The following CUL7 variants were observed in gnomAD, a reference collection of about 807,000 sequenced individuals.
The protein encoded by CUL7 is cullin-7.
A neutral mutation model predicts 177.7 loss-of-function variants in CUL7; 96 were observed. The ratio of observed to expected loss-of-function variants is 0.54; its 90% CI spans 0.46 to 0.64. CUL7 has a LOEUF of 0.64. CUL7 is among the 30% of genes least tolerant of loss of function. The probability of loss-of-function intolerance (pLI) is 0.00; values close to 1 mark genes in which losing one functional copy is unlikely to be tolerated. For missense variants in CUL7, 1,893 were observed against 2,187.9 expected (o/e 0.87, Z 2.69); for synonymous variants, 824 against 890.2 (o/e 0.93, Z 1.32).
At chr6:43,044,936 A>C in intron 15 of CUL7, 51 bp from the exon 16 acceptor site, 1 of 1,600,404 alleles carries the variant, frequency 6.2e-7, no homozygotes, top group African/African-American at 1.3e-5. Flanking sequence ...AGCATATGTT[A>C]TCTCAGTGTC....
rs1763359490 is a variant in CUL7 at position 43,040,909 on chromosome 6, A to G, written c.3806+6T>C. 1.2e-6 allele frequency: 2 copies of G among 1,612,796 alleles called. No homozygotes were observed. The highest frequency in any genetic ancestry group is 2.2e-5 in the East Asian group (1 of 44,888). Reference sequence around the variant, plus strand: ...GCCAGCTCCCGCTCCTTAGGTCCACACTCACTGGTAATAATGCTCAAAAGT... The same window carrying G: ...GCCAGCTCCCGCTCCTTAGGTCCACGCTCACTGGTAATAATGCTCAAAAGT... On this transcript the variant is annotated splice_donor_region_variant and intron_variant, in intron 20 of 25. Coordinates refer to ENST00000265348, the MANE Select transcript of CUL7 (RefSeq NM_014780.5). The surrounding 1 kb of genome is among the most constrained non-coding windows in gnomAD (Gnocchi z 4.2).
chr6:43,050,879 G>A lies in CUL7; in HGVS notation c.1233+89C>T. ...TTACCTAAAGCTTTCTCTTTGGGTGGCCTGCTGGAGCCCCCCCATATAGAA... is the reference window on the plus strand; with the variant it reads ...TTACCTAAAGCTTTCTCTTTGGGTGACCTGCTGGAGCCCCCCCATATAGAA... On this transcript the variant is annotated intron_variant, in intron 4 of 25. Coordinates refer to ENST00000265348, the MANE Select transcript of CUL7 (RefSeq NM_014780.5). The surrounding 1 kb of genome is among the most constrained non-coding windows in gnomAD (Gnocchi z 4.1). The A allele has an allele frequency of 6.7e-7, 1 of 1,499,428 alleles. No individual in the cohort carries two copies. Among genetic ancestry groups the A allele is most frequent in the South Asian group, 1.1e-5 (1 of 87,636 alleles). 92.9% of individuals were successfully genotyped at this position (1,499,428 alleles called of 1,614,324 possible).
At position 43,040,842 on chromosome 6, in the gene CUL7, C is replaced by T; in HGVS notation, c.3806+73G>A. 1 of 1,602,916 alleles carries T rather than the reference C, an allele frequency of 6.2e-7. No homozygotes were observed. Among genetic ancestry groups the T allele is most frequent in the South Asian group, 1.1e-5 (1 of 90,502 alleles). On this transcript the variant is annotated intron_variant, in intron 20 of 25. Coordinates refer to ENST00000265348, the MANE Select transcript of CUL7 (RefSeq NM_014780.5). This position sits in a 1 kb window ranked among gnomAD's most constrained non-coding sequence, Gnocchi z 4.2. ...TCCAGCCTGCCTCTATCCCAGACTT[C>T]CAGGCCCATGAGCTGGCTCTGCCAC...
chr6:43,042,093 AGGAG>A (rs924972805), intron 19 of CUL7, among the ~76,000 whole-genome samples: 6 of 142,046 alleles, frequency 4.2e-5, no homozygotes, highest in Admixed American at 1.4e-4. Context: ...GAGGGAGAGA[AGGAG>A]GGAGGGAAGG....
chr6:43,050,824 C>G lies in CUL7; in HGVS notation c.1233+144G>C. On this transcript the variant is annotated intron_variant, in intron 4 of 25. Transcript: ENST00000265348. This position sits in a 1 kb window ranked among gnomAD's most constrained non-coding sequence, Gnocchi z 4.1. Reference sequence around the variant, plus strand: ...CCAGCTCTCAGAATGGCCCCCCTCTCAACTACTGACTCTTTTCACCATTCC... The same window carrying G: ...CCAGCTCTCAGAATGGCCCCCCTCTGAACTACTGACTCTTTTCACCATTCC... 2 of 1,094,138 alleles carry G rather than the reference C, an allele frequency of 1.8e-6. No homozygotes were observed. The highest frequency in any genetic ancestry group is 1.6e-5 in the African/African-American group (1 of 63,620). 67.8% of individuals were successfully genotyped at this position (1,094,138 alleles called of 1,614,324 possible).
At position 43,045,795 on chromosome 6, in the gene CUL7, C is replaced by G. The variant is rs1160001966; in HGVS notation, c.2767-113G>C. 2 of 1,277,416 alleles carry G rather than the reference C, an allele frequency of 1.6e-6. No individual in the cohort carries two copies. Among genetic ancestry groups the G allele is most frequent in the East Asian group, 4.9e-5 (2 of 41,130 alleles). 79.1% of individuals were successfully genotyped at this position (1,277,416 alleles called of 1,614,324 possible). Reference sequence around the variant, plus strand: ...TCCCCAGCCCTGGGATGTGTAGGGTCCTGACAAAGCTGTCCTCATGCCACC... The same window carrying G: ...TCCCCAGCCCTGGGATGTGTAGGGTGCTGACAAAGCTGTCCTCATGCCACC... On this transcript the variant is annotated intron_variant, in intron 13 of 25. Coordinates refer to ENST00000265348, the MANE Select transcript of CUL7 (RefSeq NM_014780.5). This position sits in a 1 kb window ranked among gnomAD's most constrained non-coding sequence, Gnocchi z 4.8.
chr6:43,038,427 C>T lies in CUL7; in HGVS notation c.4613G>A (p.Trp1538Ter), dbSNP rs1763135873. The part of the protein sequence containing the change: ...RDGSKEPRSR[W>*]DIVRLIPPQT... ...AGGTGGGATGAGCCGCACAATGTCC[C>T]ATCTCGACCTGGGTTCCTTGCTGCC... The change falls in exon 25 of 26, where the codon TGG becomes TAG. Residue 1538 changes from tryptophan (W) to a stop codon, truncating the protein, a stop_gained. Coordinates refer to ENST00000265348, the MANE Select transcript of CUL7 (RefSeq NM_014780.5). LOFTEE classifies it high-confidence loss of function. 2 of 1,614,086 alleles carry T rather than the reference C, an allele frequency of 1.2e-6. No homozygotes were observed. The highest frequency in any genetic ancestry group is 2.7e-5 in the African/African-American group (2 of 74,930).
At chr6:43,048,305 A>G (rs764898026) in intron 8 of CUL7, 27 bp downstream of exon 8, 1 of 1,595,660 alleles carries the variant, frequency 6.3e-7, no homozygotes, top group Non-Finnish European at 8.6e-7. Context: ...TTGCCCTCAG[A>G]GATCCCACCT....
At position 43,048,696 on chromosome 6, in the gene CUL7, C is replaced by CT. The variant is rs1245926716; in HGVS notation, c.1826-128dup. 3 of 701,808 alleles carry CT rather than the reference C, an allele frequency of 4.3e-6. No homozygotes were observed. The African/African-American group carries it at 5.4e-5, about 13-fold the overall frequency. The allele number at this position is 701,808 out of a possible 1,614,324, so 43.5% of individuals were successfully genotyped here. A position where few individuals can be genotyped will look rare whatever the true frequency, so the allele number is the denominator to read the frequency against. The stretch of plus-strand genomic sequence containing the variant: ...AAATGTTTTAAATTTTTTAATCCCC[C>CT]TAAAAGTTAGGTTTGGGGATCTAAT... On this transcript the variant is annotated intron_variant, in intron 7 of 25. Transcript: ENST00000265348.
In CUL7 at chr6:43,051,986, C is replaced by T. The variant is rs1028945239; in HGVS notation, c.580+223G>A. On this transcript the variant is annotated intron_variant, in intron 2 of 25. Transcript: ENST00000265348. The surrounding 1 kb of genome is among the most constrained non-coding windows in gnomAD (Gnocchi z 5.0). The stretch of plus-strand genomic sequence containing the variant: ...CTAAATTCTTCCTTTGCATAAAAAG[C>T]AACTAATTAATATGAGGTTCTTGAA... 5.3e-6 allele frequency: 5 copies of T among 951,336 alleles called. No individual in the cohort carries two copies. The highest frequency in any genetic ancestry group is 2.5e-5 in the Admixed American group (1 of 40,776). The allele number at this position is 951,336 out of a possible 1,614,324, so 58.9% of individuals were successfully genotyped here.
chr6:43,049,625 G>T lies in CUL7; in HGVS notation c.1607C>A (p.Pro536His). 6.2e-7 allele frequency: 1 copy of T among 1,614,168 alleles called. No individual in the cohort carries two copies. Among genetic ancestry groups the T allele is most frequent in the Non-Finnish European group, 8.5e-7 (1 of 1,180,036 alleles). ...CAGCAAGTCCTGGGCCAATTCTATGGGCACGGCCAGTTCAGCTAGGATCTC... is the reference window on the plus strand; with the variant it reads ...CAGCAAGTCCTGGGCCAATTCTATGTGCACGGCCAGTTCAGCTAGGATCTC... ...DDEILAELAV[P>H]IELAQDLLLT... Residue 536 changes from proline (P) to histidine (H), a missense_variant, in exon 7 of 26, where the codon CCC becomes CAC. Pro to His is a moderately conservative substitution (Grantham distance 77). Transcript: ENST00000265348.
Position 43,051,818 on chromosome 6 carries a change from T to C in CUL7, c.581-55A>G. On this transcript the variant is annotated intron_variant, in intron 2 of 25. Coordinates refer to ENST00000265348, the MANE Select transcript of CUL7 (RefSeq NM_014780.5). This position sits in a 1 kb window ranked among gnomAD's most constrained non-coding sequence, Gnocchi z 5.0. ...TCCCTAATCTCACCCTTCCTAGAAA[T>C]CTTAGACCCTCTACTCTTTCAATCC... is the stretch of plus-strand genomic sequence containing the variant. 1 of 1,587,274 alleles carries C rather than the reference T, an allele frequency of 6.3e-7. No individual in the cohort carries two copies. Among genetic ancestry groups the C allele is most frequent in the South Asian group, 1.1e-5 (1 of 90,094 alleles).
rs745491935 is a variant in CUL7, at chr6:43,040,601, A to T, written c.3952T>A (p.Phe1318Ile). The stretch of plus-strand genomic sequence containing the variant: ...AGCTGCTGGAGCTGGTAGACGTGGA[A>T]CTGGCGCTGCAGCTCCTTAGAGGTG... ...LSTSKELQRQ[F>I]HVYQLQQLDQ... Residue 1318 changes from phenylalanine to isoleucine, a missense_variant, in exon 21 of 26, where the codon TTC (phenylalanine) becomes ATC (isoleucine). Physicochemically the swap from Phe to Ile is conservative, Grantham distance 21. Coordinates refer to ENST00000265348, the MANE Select transcript of CUL7 (RefSeq NM_014780.5). The surrounding 1 kb of genome is among the most constrained non-coding windows in gnomAD (Gnocchi z 4.2). 1.2e-6 allele frequency: 2 copies of T among 1,614,236 alleles called. No individual in the cohort carries two copies.
chr6:43,047,991 T>C, intron 9 of CUL7, 157 bp downstream of exon 9: 1 of 617,648 alleles, frequency 1.6e-6, no homozygotes, highest in Non-Finnish European at 2.9e-6. Flanking sequence ...ATGTATTACC[T>C]ATTTAAAAAA....
Position 43,052,644 on chromosome 6 carries a change from C to T in CUL7, c.145G>A (p.Asp49Asn), listed in dbSNP as rs1159149683. 84 of 1,614,112 alleles carry T rather than the reference C, an allele frequency of 5.2e-5. No individual in the cohort carries two copies. Among genetic ancestry groups the T allele is most frequent in the Non-Finnish European group, 6.0e-5 (71 of 1,180,048 alleles). Reference protein sequence around the residue: ...QIRWLILRRGDEGDGGSGQVD... With the variant: ...QIRWLILRRGNEGDGGSGQVD... ...TGGCCAGAGCCCCCGTCCCCCTCAT[C>T]GCCACGCCGCAGGATGAGCCAACGG... is the stretch of plus-strand genomic sequence containing the variant. Residue 49 changes from aspartate to asparagine, a missense_variant, in exon 2 of 26, where the codon GAT becomes AAT. Physicochemically the swap from Asp to Asn is conservative, Grantham distance 23. Coordinates refer to ENST00000265348, the MANE Select transcript of CUL7 (RefSeq NM_014780.5). This position sits in a 1 kb window ranked among gnomAD's most constrained non-coding sequence, Gnocchi z 4.5.
Position 43,040,671 on chromosome 6 carries a change from G to A in CUL7, c.3882C>T (p.Pro1294=), listed in dbSNP as rs758525555. The A allele has an allele frequency of 6.2e-7, 1 of 1,614,214 alleles. No homozygotes were observed. Among genetic ancestry groups the A allele is most frequent in the South Asian group, 1.1e-5 (1 of 91,080 alleles). Residue 1294 remains proline (P), a synonymous_variant, in exon 21 of 26, where the codon CCC becomes CCT. Coordinates refer to ENST00000265348, the MANE Select transcript of CUL7 (RefSeq NM_014780.5). The surrounding 1 kb of genome is among the most constrained non-coding windows in gnomAD (Gnocchi z 4.2). ...GCTGGGGGAGGCGGTTGGGGAAGCA[G>A]GGACCGATCTGCTCCAGCACGGCCC... ...LEGAVLEQIG[P]CFPNRLPQQM... is the part of the protein sequence containing the mutation.
At position 43,038,188 on chromosome 6, in the gene CUL7, C is replaced by A. The variant is rs1022787937; in HGVS notation, c.4773+79G>T. The A allele has an allele frequency of 4.5e-6, 7 of 1,543,054 alleles. No homozygotes were observed. In the African/African-American group the frequency reaches 9.6e-5, roughly 21 times the overall value. Reference sequence around the variant, plus strand: ...ACAGTGAACCAGGTGCCTCACCACACGTGCACCCACCTTGTCCTGTAGACT... The same window carrying A: ...ACAGTGAACCAGGTGCCTCACCACAAGTGCACCCACCTTGTCCTGTAGACT... On this transcript the variant is annotated intron_variant, in intron 25 of 25. Coordinates refer to ENST00000265348, the MANE Select transcript of CUL7 (RefSeq NM_014780.5).
At chr6:43,039,036 T>G (rs186188012) in intron 22 of CUL7, 49 bp from the exon 23 acceptor site, 35 of 1,356,538 alleles carry the variant, frequency 2.6e-5, no homozygotes, top group Middle Eastern at 1.9e-4. Context: ...AAGGAGGGAG[T>G]TGGTGTTGGA....
Position 43,052,249 on chromosome 6 carries a change from A to G in CUL7, c.540T>C (p.Ser180=). 1 of 1,614,140 alleles carries G rather than the reference A, an allele frequency of 6.2e-7. No homozygotes were observed. Among genetic ancestry groups the G allele is most frequent in the Non-Finnish European group, 8.5e-7 (1 of 1,180,028 alleles). The change falls in exon 2 of 26, where the codon AGT becomes AGC. Residue 180 remains serine, a synonymous_variant. Transcript: ENST00000265348. This position sits in a 1 kb window ranked among gnomAD's most constrained non-coding sequence, Gnocchi z 4.5. ...LSSPDYQIRW[S]AGRMIQALSS... is the part of the protein sequence containing the mutation. ...ACAGGGCTTGTATCATCCGGCCTGC[A>G]CTCCAGCGAATCTGATAATCAGGAC...
Sources: allele counts gnomAD v4.1 joint callset (sites outside exome capture counted in the v4.1 genomes callset), GRCh38; gene constraint gnomAD v4.1.1; non-coding constraint Gnocchi (gnomAD v3.1); transcripts MANE v1.5; gene names NCBI Gene and HGNC (gene_info 2026-07-23, HGNC 2026-07-21).